RASL12: variants seen among roughly 807,000 people sequenced by gnomAD.
RASL12 encodes RAS like family 12.
RASL12 carries 16 observed loss-of-function variants against 22.9 expected under a neutral mutation model. That is an observed-to-expected ratio of 0.70 (90% CI 0.47 to 1.06). The LOEUF (loss-of-function observed/expected upper bound fraction) is 1.06, where lower values mean the gene tolerates loss of function less well. RASL12 is among the 50% of genes least tolerant of loss of function. The probability of loss-of-function intolerance (pLI) is 0.00; values close to 1 mark genes in which losing one functional copy is unlikely to be tolerated. For synonymous variants in RASL12, 159 were observed against 152.2 expected, an observed-to-expected ratio of 1.04 and a Z score of -0.33; for missense variants, 306 against 353.1, an observed-to-expected ratio of 0.87 and a Z score of 1.07.
At chr15:65,068,544 CCAATAT>C (rs1455000926), upstream of RASL12, among the ~76,000 whole-genome samples, 1 of 152,194 alleles carries the variant, frequency 6.6e-6, no homozygotes, top group East Asian at 1.9e-4. The surrounding 1 kb of genome is among the most constrained non-coding windows in gnomAD (Gnocchi z 4.2). Flanking sequence ...GATTTCAGGG[CCAATAT>C]GGGTTCAGCT....
upstream of RASL12, chr15:65,068,011 G>A (rs996922561): frequency 4.4e-6 from 5 of 1,144,614 alleles, no homozygotes; most frequent in Non-Finnish European, 4.3e-6. This position sits in a 1 kb window ranked among gnomAD's most constrained non-coding sequence, Gnocchi z 4.2. Flanking sequence ...CGGGGAGGAG[G>A]GGCCGGTGGA....
At chr15:65,071,026 C>T (rs1257296891), upstream of RASL12, among the ~76,000 whole-genome samples, 2 of 152,164 alleles carry the variant, frequency 1.3e-5, no homozygotes, top group Non-Finnish European at 2.9e-5. Context: ...ACCCTATGTG[C>T]AGAAACATCT....
chr15:65,066,099 AAGAGAAAGAAAGAAGAAAGAG>A (rs1412088335), intron 1 of RASL12, among the ~76,000 whole-genome samples: 1 of 151,534 alleles, frequency 6.6e-6, no homozygotes, highest in Non-Finnish European at 1.5e-5. Flanking sequence ...AAGAGAAGGA[AAGAGAAAGAAAGAAGAAAGAG>A]AGAGAAAGAA....
upstream of RASL12, among the ~76,000 whole-genome samples, chr15:65,071,575 G>A (rs2086932593): frequency 6.6e-6 from 1 of 152,154 alleles, no homozygotes; most frequent in Non-Finnish European, 1.5e-5. Context: ...GCTGGAGGTA[G>A]AAACTGGGTG....
At chr15:65,065,386 C>A in intron 1 of RASL12, 113 bp from the exon 2 acceptor site, 1 of 950,562 alleles carries the variant, frequency 1.1e-6, no homozygotes, top group South Asian at 1.5e-5. Flanking sequence ...ACACCAAGCT[C>A]AGCTCTCCCA....
chr15:65,053,145 T>C (rs1480906378), downstream of RASL12: 16 of 1,614,000 alleles, frequency 9.9e-6, no homozygotes, highest in Non-Finnish European at 1.0e-5. Context: ...CTTCCGGATG[T>C]ACCAGAAACT....
Position 65,054,960 on chromosome 15 carries a change from C to T in RASL12, c.740G>A (p.Arg247Gln), listed in dbSNP as rs1033688683. The change falls in exon 5 of 5, where the codon CGG becomes CAG. Residue 247 changes from arginine to glutamine, a missense_variant. Transcript: ENST00000220062. ...QAKLVTVKSSRAQSKRKAPTL... is the reference protein window; with the variant it reads ...QAKLVTVKSSQAQSKRKAPTL... ...AGGCGCCTTGCGCTTGCTCTGGGCC[C>T]GGGATGACTTCACGGTGACCAGCTT... 6.2e-6 allele frequency: 10 copies of T among 1,614,056 alleles called. No homozygotes were observed. Among genetic ancestry groups the T allele is most frequent in the African/African-American group, 2.7e-5 (2 of 74,940 alleles).
chr15:65,049,181 C>CTG (rs1042730814), downstream of RASL12: 4 of 151,842 alleles, frequency 2.6e-5, no homozygotes, highest in African/African-American at 9.7e-5. Context: ...GTCAAAATGT[C>CTG]TGACTGTTTT....
At chr15:65,050,011 C>T (rs1048878741), downstream of RASL12, 3 of 1,550,986 alleles carry the variant, frequency 1.9e-6, no homozygotes, top group Middle Eastern at 3.3e-4. Flanking sequence ...GGGCATGGAG[C>T]ACAGTGAGGG....
chr15:65,053,721 G>A lies in RASL12; in HGVS notation c.*1178C>T, dbSNP rs1466477004. Reference sequence around the variant, plus strand: ...TCTTTTCCCTGCTTGTCTGCTAAGAGTCTGTGCAAGACTTCCCTGGGACCT... The same window carrying A: ...TCTTTTCCCTGCTTGTCTGCTAAGAATCTGTGCAAGACTTCCCTGGGACCT... On this transcript the variant is annotated 3_prime_UTR_variant, in exon 5 of 5. Transcript: ENST00000220062. 1 of 987,796 alleles carries A rather than the reference G, an allele frequency of 1.0e-6. No individual in the cohort carries two copies. The highest frequency in any genetic ancestry group is 1.7e-5 in the African/African-American group (1 of 57,224). The allele number at this position is 987,796 out of a possible 1,614,324, so 61.2% of individuals were successfully genotyped here. A position where few individuals can be genotyped will look rare whatever the true frequency, so the allele number is the denominator to read the frequency against.
intron 3 of RASL12, 132 bp from the exon 4 acceptor site, chr15:65,058,749 G>A: frequency 9.2e-6 from 6 of 648,790 alleles, no homozygotes; most frequent in Non-Finnish European, 1.5e-5. Flanking sequence ...CCTTTCAAAG[G>A]GGCACTTGAG....
intron 1 of RASL12, among the ~76,000 whole-genome samples, chr15:65,074,327 C>T (rs182742865): frequency 4.5e-4 from 69 of 152,288 alleles, no homozygotes; most frequent in Non-Finnish European, 8.4e-4. Context: ...CAGCCTCAAC[C>T]GGGATATTTC....
chr15:65,045,726 T>A, the RASL12 span: 1 of 152,308 alleles, frequency 6.6e-6, no homozygotes, highest in Admixed American at 6.5e-5. Flanking sequence ...AAATGCAGTA[T>A]GACATCCTAA....
intron 2 of RASL12, among the ~76,000 whole-genome samples, chr15:65,064,120 TA>T (rs1484003901): frequency 6.6e-6 from 1 of 152,246 alleles, no homozygotes; most frequent in Non-Finnish European, 1.5e-5. Context: ...AAGCAACATT[TA>T]TACTAATAAA....
At chr15:65,050,836 C>CCTTTT (rs2086642864), downstream of RASL12, among the ~76,000 whole-genome samples, 6 of 95,648 alleles carry the variant, frequency 6.3e-5, no homozygotes, top group South Asian at 4.2e-4. Flanking sequence ...TCTTCTTCTT[C>CCTTTT]TTTTTTTTTT....
In RASL12 at chr15:65,055,146, C is replaced by T. The variant is rs371824215; in HGVS notation, c.554G>A (p.Arg185Gln). ...VFHEAVREAR[R>Q]ELEKSPLTRP... ...GGTCAGGGGGCTCTTCTCCAGCTCC[C>T]GCCGTGCCTCTCGCACTGCCTCGTG... Residue 185 changes from arginine (R) to glutamine (Q), a missense_variant, in exon 5 of 5, where the codon CGG becomes CAG. Coordinates refer to ENST00000220062, the MANE Select transcript of RASL12 (RefSeq NM_016563.4). The T allele has an allele frequency of 2.1e-5, 34 of 1,611,752 alleles. No individual in the cohort carries two copies. The highest frequency in any genetic ancestry group is 2.7e-5 in the African/African-American group (2 of 74,920).
At chr15:65,071,683 T>C (rs973583108), upstream of RASL12, among the ~76,000 whole-genome samples, 1 of 152,102 alleles carries the variant, frequency 6.6e-6, no homozygotes, top group African/African-American at 2.4e-5. Flanking sequence ...TCCCTCCTTC[T>C]CCTGCTCTCA....
At position 65,053,908 on chromosome 15, in the gene RASL12, T is replaced by G; in HGVS notation, c.*991A>C. On this transcript the variant is annotated 3_prime_UTR_variant, in exon 5 of 5. Coordinates refer to ENST00000220062, the MANE Select transcript of RASL12 (RefSeq NM_016563.4). The stretch of plus-strand genomic sequence containing the variant: ...CCACCAAATAACATAAGCAAAATTT[T>G]GCTTTATTAACCCAAAATGCTTTAG... 1 of 985,870 alleles carries G rather than the reference T, an allele frequency of 1.0e-6. No homozygotes were observed. The highest frequency in any genetic ancestry group is 1.1e-4 in the East Asian group (1 of 8,826). The allele number at this position is 985,870 out of a possible 1,614,324, so 61.1% of individuals were successfully genotyped here.
chr15:65,058,202 G>C (rs1174976788), intron 4 of RASL12, among the ~76,000 whole-genome samples: 1 of 152,204 alleles, frequency 6.6e-6, no homozygotes, highest in Non-Finnish European at 1.5e-5. Flanking sequence ...CCAGGAGGTG[G>C]AGGTTGCAGT....
Sources: allele counts gnomAD v4.1 joint callset (sites outside exome capture counted in the v4.1 genomes callset), GRCh38; gene constraint gnomAD v4.1.1; non-coding constraint Gnocchi (gnomAD v3.1); transcripts MANE v1.5; gene names NCBI Gene and HGNC (gene_info 2026-07-23, HGNC 2026-07-21).